The following ZNF577 variants were observed in gnomAD, a reference collection of about 807,000 sequenced individuals.
ZNF577 encodes zinc finger protein 577.
A neutral mutation model predicts 13.9 loss-of-function variants in ZNF577; 14 were observed. That is an observed-to-expected ratio of 1.00 (90% CI 0.66 to 1.57). ZNF577 has a LOEUF of 1.57. Ranked by LOEUF, ZNF577 falls within the 40% of genes most tolerant of loss-of-function variation. The pLI, the probability that ZNF577 is intolerant of heterozygous loss-of-function variation, is 0.00. For missense variants in ZNF577, 555 were observed against 579.2 expected (o/e 0.96, Z 0.43); for synonymous variants, 203 against 202.9 (o/e 1.00, Z 0.00).
At chr19:51,831,337 A>C (rs1192422448) in intron 9 of ZNF577, among the ~76,000 whole-genome samples, 3 of 152,042 alleles carry the variant, frequency 2.0e-5, no homozygotes, top group Non-Finnish European at 4.4e-5. Context: ...GGCTGGTCTC[A>C]AACTCCTGAT....
intron 5 of ZNF577, chr19:51,860,737 C>G (rs182988742): frequency 4.0e-6 from 1 of 250,108 alleles, no homozygotes; most frequent in Non-Finnish European, 7.7e-6. Flanking sequence ...AAGGCTTTAC[C>G]ACATTTACTA....
At chr19:51,877,896 G>GTA (rs57125732) in intron 4 of ZNF577, 9,746 of 155,900 alleles carry the variant, frequency 0.063, 913 homozygotes, top group African/African-American at 0.21. Context: ...GCAAAAGGTG[G>GTA]TATATATATA....
chr19:51,844,440 C>T (rs1393967321), intron 6 of ZNF577, among the ~76,000 whole-genome samples: 1 of 152,164 alleles, frequency 6.6e-6, no homozygotes, highest in Non-Finnish European at 1.5e-5. Context: ...TATGTGCTTT[C>T]TCCTTCTGGA....
chr19:51,806,043 T>C (rs2084056719), intron 10 of ZNF577, among the ~76,000 whole-genome samples: 1 of 152,230 alleles, frequency 6.6e-6, no homozygotes, highest in Non-Finnish European at 1.5e-5. Flanking sequence ...TACCTGGAGC[T>C]GGTCCTTCTG....
chr19:51,859,872 G>C (rs1242563704), intron 5 of ZNF577, among the ~76,000 whole-genome samples: 2 of 152,004 alleles, frequency 1.3e-5, no homozygotes, highest in Admixed American at 6.6e-5. Context: ...AGTAAACAAT[G>C]AAGTTTATAA....
At chr19:51,864,859 C>T (rs986629758), downstream of ZNF577, among the ~76,000 whole-genome samples, 1 of 152,156 alleles carries the variant, frequency 6.6e-6, no homozygotes, top group Admixed American at 6.5e-5. Context: ...ACCCTTACGC[C>T]CTCCAACTCT....
intron 9 of ZNF577, chr19:51,823,729 A>C: frequency 6.5e-7 from 1 of 1,548,282 alleles, no homozygotes; most frequent in Non-Finnish European, 8.7e-7. Context: ...CCATTGCTGA[A>C]ATGTTTCAGG....
Position 51,824,478 on chromosome 19 carries a change from G to A in ZNF577, c.*600-12804C>T, listed in dbSNP as rs767967411. 1.1e-5 allele frequency: 18 copies of A among 1,614,012 alleles called. No individual in the cohort carries two copies. The highest frequency in any genetic ancestry group is 1.1e-4 in the East Asian group (5 of 44,848). ...ATCCAGCCGTCCCTTACGTGTCTTCGCTGCTGTGGTGGCTTCTTTCTTCAT... is the reference window on the plus strand; with the variant it reads ...ATCCAGCCGTCCCTTACGTGTCTTCACTGCTGTGGTGGCTTCTTTCTTCAT... On this transcript the variant is annotated intron_variant and NMD_transcript_variant, in intron 9 of 10. Coordinates refer to the ZNF577 transcript ENST00000638827. The surrounding 1 kb of genome is among the most constrained non-coding windows in gnomAD (Gnocchi z 4.7).
chr19:51,881,087 T>C (rs531435255), intron 1 of ZNF577, among the ~76,000 whole-genome samples: 1 of 152,166 alleles, frequency 6.6e-6, no homozygotes, highest in East Asian at 1.9e-4. Flanking sequence ...ATGTCAGAAA[T>C]AGAGTGGATG....
Position 51,822,633 on chromosome 19 carries a change from C to T in ZNF577, c.*600-10959G>A, listed in dbSNP as rs116535898. Among the ~76,000 whole-genome samples the T allele has an allele frequency of 9.0e-3, 1,367 of 152,328 alleles. 24 individuals carry two copies. Among genetic ancestry groups the T allele is most frequent in the African/African-American group, 0.031 (1,309 of 41,566 alleles). On this transcript the variant is annotated intron_variant and NMD_transcript_variant, in intron 9 of 10. Coordinates refer to the ZNF577 transcript ENST00000638827. ...CAATGAATATTACAGAGCTACTATG[C>T]AGACCAAACTACAACCCATATGTAG...
chr19:51,857,333 G>GGAGAGA (rs10642180), intron 5 of ZNF577, among the ~76,000 whole-genome samples: 2 of 130,246 alleles, frequency 1.5e-5, no homozygotes, highest in African/African-American at 5.8e-5. Context: ...AAAGGAGAAA[G>GGAGAGA]GAGAGAAAGA....
At chr19:51,844,996 A>G (rs1003642945) in intron 5 of ZNF577, 1 of 152,220 alleles carries the variant, frequency 6.6e-6, no homozygotes, top group Non-Finnish European at 1.5e-5. Flanking sequence ...GCGTAAATAA[A>G]AAGACTTTTC....
chr19:51,850,322 C>A (rs1030115374), intron 5 of ZNF577, among the ~76,000 whole-genome samples: 1 of 152,206 alleles, frequency 6.6e-6, no homozygotes, highest in Admixed American at 6.5e-5. Flanking sequence ...AGACTATGGT[C>A]ACCCATGTGG....
In ZNF577 at chr19:51,867,362, T is replaced by C. The variant is rs2084581119; in HGVS notation, c.*5170A>G. ...ATCTAGATATTGTCTTTTCTGATTC[T>C]GAACATCGGACAAAAGATCTCTTTT... is the stretch of plus-strand genomic sequence containing the variant. On this transcript the variant is annotated 3_prime_UTR_variant, in exon 6 of 6. Transcript: ENST00000638348. 6.6e-6 allele frequency among the ~76,000 whole-genome samples: 1 copy of C among 152,210 alleles called. No homozygotes were observed.
rs561862562 is a variant in ZNF577, at chr19:51,867,618, C to CAA, written c.*4912_*4913dup. 0.012 allele frequency among the ~76,000 whole-genome samples: 1,294 copies of CAA among 110,276 alleles called. 12 individuals carry two copies. Among genetic ancestry groups the CAA allele is most frequent in the Admixed American group, 0.019 (198 of 10,460 alleles). The allele number at this position is 110,276 out of a possible 152,430, so 72.3% of individuals were successfully genotyped here. A position where few individuals can be genotyped will look rare whatever the true frequency, so the allele number is the denominator to read the frequency against. ...TGAAACCCCGTCTCTACTAAAAATA[C>CAA]AAAAAAAAAAAAAAAAATTAGCCGG... On this transcript the variant is annotated 3_prime_UTR_variant, in exon 6 of 6. Transcript: ENST00000638348.
At chr19:51,813,161 C>CACACAA (rs71304202) in intron 9 of ZNF577, among the ~76,000 whole-genome samples, 1 of 149,434 alleles carries the variant, frequency 6.7e-6, no homozygotes, top group African/African-American at 2.5e-5. Context: ...CACACACACA[C>CACACAA]CCCATAAATT....
intron 9 of ZNF577, among the ~76,000 whole-genome samples, chr19:51,816,292 G>A (rs1320040402): frequency 6.6e-6 from 1 of 152,116 alleles, no homozygotes; most frequent in Non-Finnish European, 1.5e-5. Context: ...TATTGCCCAG[G>A]CTTGGAGTAC....
chr19:51,860,945 T>C, intron 5 of ZNF577: 1 of 421,058 alleles, frequency 2.4e-6, no homozygotes, highest in Non-Finnish European at 4.6e-6. Flanking sequence ...CTGCATTCCC[T>C]CCATCTGTAG....
chr19:51,881,745 G>A (rs891542158), intron 1 of ZNF577, among the ~76,000 whole-genome samples: 1 of 152,146 alleles, frequency 6.6e-6, no homozygotes, highest in Non-Finnish European at 1.5e-5. Context: ...ATCTCCTAAT[G>A]CAATATTCAG....
Sources: gnomAD v4.1 joint callset for allele counts (sites outside exome capture counted in the v4.1 genomes callset) on GRCh38, gnomAD v4.1.1 for gene constraint, Gnocchi (gnomAD v3.1) non-coding constraint, MANE v1.5 for transcripts, NCBI Gene and HGNC (gene_info 2026-07-23, HGNC 2026-07-21) for gene names.